Variants in SBF2 observed in about 807,000 individuals in gnomAD.
SBF2 encodes SET binding factor 2.
SBF2 carries 112 observed loss-of-function variants against 225.2 expected under a neutral mutation model. That is an observed-to-expected ratio of 0.50 (90% CI 0.43 to 0.58). The LOEUF is 0.58. Among genes scored for constraint, SBF2 ranks in the 20% least tolerant of loss-of-function variants. The pLI is 0.00. For missense variants in SBF2, 1,996 were observed against 2,206.2 expected (o/e 0.90, Z 1.91); for synonymous variants, 763 against 773.3 (o/e 0.99, Z 0.22).
chr11:9,958,457 C>T (rs1424541273), intron 16 of SBF2: 1 of 150,568 alleles, frequency 6.6e-6, no homozygotes, highest in Non-Finnish European at 1.5e-5. Context: ...CCCTGGGGTT[C>T]ACGCCATTCT....
rs139183382 is a variant in SBF2 at position 10,144,689 on chromosome 11, A to G, written c.141+49213T>C. Among the ~76,000 whole-genome samples the G allele has an allele frequency of 2.7e-4, 41 of 152,352 alleles. No homozygotes were observed. The East Asian group carries it at 7.3e-3, about 27-fold the overall frequency. ...TAGGAAGTTGAGATGATGTAAAAGA[A>G]AGCGAGAAAGTTCCATAGTCATTTT... On this transcript the variant is annotated intron_variant, in intron 2 of 39. Transcript: ENST00000256190.
chr11:10,224,704 T>C (rs1958471978), intron 1 of SBF2, among the ~76,000 whole-genome samples: 1 of 152,170 alleles, frequency 6.6e-6, no homozygotes, highest in African/African-American at 2.4e-5. Flanking sequence ...CATGTTAGTT[T>C]GTATGTCACC....
chr11:10,137,444 T>C (rs909600983), intron 2 of SBF2, among the ~76,000 whole-genome samples: 11 of 152,188 alleles, frequency 7.2e-5, no homozygotes, highest in Admixed American at 2.0e-4. Flanking sequence ...TGAATAGCAG[T>C]AGTGAGAGCA....
intron 16 of SBF2, among the ~76,000 whole-genome samples, chr11:9,906,397 A>G (rs184356267): frequency 1.3e-5 from 2 of 152,352 alleles, no homozygotes; most frequent in Admixed American, 6.5e-5. Context: ...AAAAAATTAA[A>G]CAATGGGGAA....
chr11:9,902,910 G>A (rs1861832262), intron 16 of SBF2, among the ~76,000 whole-genome samples: 1 of 151,510 alleles, frequency 6.6e-6, no homozygotes, highest in African/African-American at 2.4e-5. Flanking sequence ...GAAATAGAGT[G>A]GGTTGCAACT....
At chr11:10,226,021 C>A (rs186511954) in intron 1 of SBF2, among the ~76,000 whole-genome samples, 30 of 152,162 alleles carry the variant, frequency 2.0e-4, no homozygotes, top group Non-Finnish European at 4.4e-5. Flanking sequence ...CACATATAAG[C>A]CTGTTTACTA....
rs372500490 is a variant in SBF2, at chr11:9,787,622, T to C, written c.5037+12A>G. ...GCTCAGAAGTGGCTCTCAAGGGGCATTGCCAACTCACGCGATCTGTTCTTG... is the reference window on the plus strand; with the variant it reads ...GCTCAGAAGTGGCTCTCAAGGGGCACTGCCAACTCACGCGATCTGTTCTTG... On this transcript the variant is annotated intron_variant, in intron 36 of 39. Coordinates refer to ENST00000256190, the MANE Select transcript of SBF2 (RefSeq NM_030962.4). 209 of 1,611,556 alleles carry C rather than the reference T, an allele frequency of 1.3e-4. No homozygotes were observed. The highest frequency in any genetic ancestry group is 1.5e-4 in the Non-Finnish European group (174 of 1,177,756).
At chr11:9,936,362 A>G (rs997455604) in intron 16 of SBF2, among the ~76,000 whole-genome samples, 2 of 152,292 alleles carry the variant, frequency 1.3e-5, no homozygotes, top group African/African-American at 4.8e-5. Flanking sequence ...GTGGGACTGT[A>G]AATGAGTTCA....
rs552903153 is a variant in SBF2, at chr11:9,985,550, T to C, written c.1395+3947A>G. Among the ~76,000 whole-genome samples the C allele has an allele frequency of 1.1e-4, 16 of 152,248 alleles. No individual in the cohort carries two copies. In the South Asian group the frequency reaches 3.3e-3, roughly 32 times the overall value. On this transcript the variant is annotated intron_variant, in intron 13 of 39. Transcript: ENST00000256190. ...GTTGGCAAGGCTGGTCTCAAACTCC[T>C]GACTTCAGGTGATCCTCCTGCCTTG...
intron 1 of SBF2, among the ~76,000 whole-genome samples, chr11:10,277,874 C>T (rs1963088863): frequency 2.0e-5 from 3 of 152,280 alleles, no homozygotes; most frequent in Admixed American, 6.5e-5. Flanking sequence ...GCCCTCCTGT[C>T]ACCTTAACTT....
rs900626394 is a variant in SBF2 at position 10,251,188 on chromosome 11, CAT to C, written c.55+42825_55+42826del. ...ATGTAGATGCGAAACCTTAATGGTACATATGTTGCCTCATAATCAGTCAAAAC... is the reference window on the plus strand; with the variant it reads ...ATGTAGATGCGAAACCTTAATGGTACATGTTGCCTCATAATCAGTCAAAAC... On this transcript the variant is annotated intron_variant, in intron 1 of 39. Coordinates refer to ENST00000256190, the MANE Select transcript of SBF2 (RefSeq NM_030962.4). 3.7e-4 allele frequency among the ~76,000 whole-genome samples: 57 copies of C among 152,298 alleles called. 1 individual carries two copies. The highest frequency in any genetic ancestry group is 1.2e-3 in the African/African-American group (51 of 41,564).
At chr11:9,794,704 A>AAAAAAAAAAAAAAAAAC (rs1853000599) in intron 33 of SBF2, among the ~76,000 whole-genome samples, 1 of 146,288 alleles carries the variant, frequency 6.8e-6, no homozygotes. Flanking sequence ...AAAAAAAAAA[A>AAAAAAAAAAAAAAAAAC]AAAGACCAGG....
chr11:10,246,367 T>A (rs1334805440), intron 1 of SBF2, among the ~76,000 whole-genome samples: 1 of 152,218 alleles, frequency 6.6e-6, no homozygotes, highest in Non-Finnish European at 1.5e-5. Context: ...CACTGCAACC[T>A]CCGCCTCCCG....
In SBF2 at chr11:10,191,149, G is replaced by A. The variant is rs554316331; in HGVS notation, c.141+2753C>T. ...TAATGTTGTTCCACCATTATGGAAG[G>A]GGTAAGAATTTTTCCCATAAATCAT... On this transcript the variant is annotated intron_variant, in intron 2 of 39. Transcript: ENST00000256190. Among the ~76,000 whole-genome samples, 33 of 152,216 alleles carry A rather than the reference G, an allele frequency of 2.2e-4. No homozygotes were observed. In the South Asian group the frequency reaches 6.8e-3, roughly 32 times the overall value.
chr11:10,060,553 C>T (rs1343676454), intron 2 of SBF2, among the ~76,000 whole-genome samples: 2 of 152,122 alleles, frequency 1.3e-5, no homozygotes, highest in Non-Finnish European at 2.9e-5. Context: ...CATCCTGATA[C>T]CTAAACTTGG....
At chr11:10,175,148 T>A (rs1329329041) in intron 2 of SBF2, among the ~76,000 whole-genome samples, 1 of 148,808 alleles carries the variant, frequency 6.7e-6, no homozygotes, top group Non-Finnish European at 1.5e-5. Flanking sequence ...CAGGATCAAA[T>A]TCACACATAA....
chr11:9,894,471 C>T (rs900022989), intron 17 of SBF2, among the ~76,000 whole-genome samples: 6 of 150,810 alleles, frequency 4.0e-5, no homozygotes, highest in East Asian at 2.0e-4. Flanking sequence ...GAGCTGAAAT[C>T]GCGCCACTAC....
intron 1 of SBF2, among the ~76,000 whole-genome samples, chr11:10,214,154 G>T (rs1006826902): frequency 1.3e-5 from 2 of 152,046 alleles, no homozygotes; most frequent in Non-Finnish European, 2.9e-5. Context: ...GTGGTGGTGG[G>T]GAGGGGACAA....
intron 6 of SBF2, among the ~76,000 whole-genome samples, chr11:10,015,811 C>T (rs1948626855): frequency 6.7e-6 from 1 of 148,646 alleles, no homozygotes; most frequent in African/African-American, 2.5e-5. Flanking sequence ...TCCCTCTTTG[C>T]TTTTTTTTTT....
Sources: gnomAD v4.1 joint callset for allele counts (sites outside exome capture counted in the v4.1 genomes callset) on GRCh38, gnomAD v4.1.1 for gene constraint, MANE v1.5 for transcripts, NCBI Gene and HGNC (gene_info 2026-07-23, HGNC 2026-07-21) for gene names.